Variants in HK1 observed in about 807,000 individuals in gnomAD.
The protein encoded by HK1 is hexokinase 1.
Under a neutral mutation model 91.6 loss-of-function variants are expected in HK1, and 28 were observed. That is an observed-to-expected ratio of 0.31 (90% CI 0.23 to 0.42). The LOEUF is 0.42. Ranked by LOEUF, HK1 falls within the 10% of genes least tolerant of loss-of-function variation. The pLI is 1.00. For synonymous variants in HK1, 430 were observed against 468.1 expected (o/e 0.92, Z 1.05); for missense variants, 770 against 1,219.8 (o/e 0.63, Z 5.49).
intron 1 of HK1, among the ~76,000 whole-genome samples, chr10:69,331,486 C>CA (rs1847712966): frequency 6.6e-6 from 1 of 152,222 alleles, no homozygotes; most frequent in Admixed American, 6.5e-5. Context: ...TAAAATGTAG[C>CA]AAGTCTGATT....
At chr10:69,392,407 G>A in intron 15 of HK1, 99 bp downstream of exon 15, 2 of 1,304,642 alleles carry the variant, frequency 1.5e-6, no homozygotes, top group Non-Finnish European at 2.2e-6. Context: ...AGGAGGAGAG[G>A]TCTGAACAGA....
chr10:69,313,699 G>C (rs989955073), upstream of HK1, among the ~76,000 whole-genome samples: 1 of 152,074 alleles, frequency 6.6e-6, no homozygotes, highest in Non-Finnish European at 1.5e-5. Flanking sequence ...GTTTCTCCAT[G>C]TTGGTCAGTC....
chr10:69,339,315 T>G (rs919925337), intron 1 of HK1, among the ~76,000 whole-genome samples: 1 of 152,284 alleles, frequency 6.6e-6, no homozygotes, highest in Admixed American at 6.5e-5. Flanking sequence ...CCTAGGGTAT[T>G]TGCTGGTTCA....
At chr10:69,297,283 C>T (rs1845612947) in intron 4 of HK1, among the ~76,000 whole-genome samples, 1 of 152,094 alleles carries the variant, frequency 6.6e-6, no homozygotes, top group Non-Finnish European at 1.5e-5. Flanking sequence ...GGGAGTGGAT[C>T]ACCATGAAGG....
At chr10:69,396,606 G>T (rs1300391180) in intron 16 of HK1, among the ~76,000 whole-genome samples, 1 of 148,410 alleles carries the variant, frequency 6.7e-6, no homozygotes, top group Non-Finnish European at 1.5e-5. Flanking sequence ...TTTGTCCTTT[G>T]TGACTGGCTT....
intron 3 of HK1, among the ~76,000 whole-genome samples, chr10:69,293,598 G>A (rs1237046610): frequency 6.6e-6 from 1 of 152,108 alleles, no homozygotes; most frequent in Non-Finnish European, 1.5e-5. Flanking sequence ...TTGGTAATTT[G>A]GACTGAGCTC....
chr10:69,304,588 G>A (rs111816077), intron 5 of HK1, among the ~76,000 whole-genome samples: 3,311 of 152,264 alleles, frequency 0.022, 111 homozygotes, highest in African/African-American at 0.076. Flanking sequence ...GATTACAGGC[G>A]TGAGCCACTG....
intron 4 of HK1, chr10:69,295,706 T>A (rs1337986441): frequency 7.0e-6 from 10 of 1,427,358 alleles, no homozygotes; most frequent in Non-Finnish European, 8.9e-6. Context: ...TTTTTTTTAT[T>A]TCCTTCTGTA....
chr10:69,384,585 TG>T, intron 11 of HK1, 104 bp downstream of exon 11: 1 of 1,490,420 alleles, frequency 6.7e-7, no homozygotes, highest in Non-Finnish European at 9.3e-7. Flanking sequence ...CATGGATTTG[TG>T]TCCTTGTGGC....
chr10:69,369,630 T>C lies in HK1; in HGVS notation c.875+6T>C, dbSNP rs1589552518. 6.2e-7 allele frequency: 1 copy of C among 1,612,992 alleles called. No homozygotes were observed. The highest frequency in any genetic ancestry group is 8.5e-7 in the Non-Finnish European group (1 of 1,179,484). On this transcript the variant is annotated splice_donor_region_variant and intron_variant, in intron 7 of 17. Transcript: ENST00000359426. The surrounding 1 kb of genome is among the most constrained non-coding windows in gnomAD (Gnocchi z 4.4). ...CTCAACCCTGGAAAACAGCTGTGAG[T>C]CCTTGACTTTTGCTTCTAACCACAT...
rs560110519 is a variant in HK1, at chr10:69,291,990, C to T, written c.-115+3220C>T. Among the ~76,000 whole-genome samples the T allele has an allele frequency of 3.3e-5, 5 of 152,190 alleles. No homozygotes were observed. In the South Asian group the frequency reaches 1.0e-3, roughly 31 times the overall value. On this transcript the variant is annotated intron_variant, in intron 3 of 21. Coordinates refer to the HK1 transcript ENST00000360289. The stretch of plus-strand genomic sequence containing the variant: ...TTTTGGCTTTGGGCATGTGGAAAAC[C>T]TGCCTGGATTGTTCTGGAAGCTCAG...
At chr10:69,280,935 T>G (rs1193156228) in intron 1 of HK1, among the ~76,000 whole-genome samples, 2 of 152,208 alleles carry the variant, frequency 1.3e-5, no homozygotes, top group Admixed American at 1.3e-4. Flanking sequence ...ATCTCTGAAT[T>G]GCTAAAATCT....
intron 15 of HK1, 95 bp from the exon 16 acceptor site, chr10:69,394,855 G>A: frequency 1.6e-6 from 2 of 1,242,304 alleles, no homozygotes. Context: ...TGCGCTTGAG[G>A]GGCAGTAGGA....
At chr10:69,348,493 T>C (rs1848682277) in intron 2 of HK1, among the ~76,000 whole-genome samples, 1 of 152,224 alleles carries the variant, frequency 6.6e-6, no homozygotes, top group African/African-American at 2.4e-5. Flanking sequence ...TGGGCAGGAA[T>C]GCCTGTGTAT....
At chr10:69,283,292 A>T (rs1263812235) in intron 2 of HK1, among the ~76,000 whole-genome samples, 76 of 111,348 alleles carry the variant, frequency 6.8e-4, no homozygotes, top group African/African-American at 4.2e-3. Flanking sequence ...ACCAAAATTA[A>T]AAAAAAAAAA....
At chr10:69,318,264 GA>G, upstream of HK1, 1 of 979,002 alleles carries the variant, frequency 1.0e-6, no homozygotes, top group South Asian at 4.7e-5. Flanking sequence ...CCTGGGTGAG[GA>G]AGGCGCGGGA....
chr10:69,339,345 C>T (rs931965411), intron 1 of HK1, among the ~76,000 whole-genome samples: 4 of 152,312 alleles, frequency 2.6e-5, no homozygotes, highest in African/African-American at 7.2e-5. Context: ...TCTGATCTCC[C>T]GAGGACCAGT....
At chr10:69,361,019 G>C (rs577517469) in intron 3 of HK1, among the ~76,000 whole-genome samples, 14 of 143,350 alleles carry the variant, frequency 9.8e-5, no homozygotes, top group Non-Finnish European at 1.8e-4. Flanking sequence ...GGTGGACTTC[G>C]AGATGAGACC....
chr10:69,362,005 T>C (rs994321344), intron 3 of HK1, among the ~76,000 whole-genome samples: 1 of 152,132 alleles, frequency 6.6e-6, no homozygotes, highest in Non-Finnish European at 1.5e-5. Flanking sequence ...TTCGTAGAGA[T>C]GGGGTTTCTC....
Sources: allele counts gnomAD v4.1 joint callset (sites outside exome capture counted in the v4.1 genomes callset), GRCh38; gene constraint gnomAD v4.1.1; non-coding constraint Gnocchi (gnomAD v3.1); transcripts MANE v1.5; gene names NCBI Gene and HGNC (gene_info 2026-07-23, HGNC 2026-07-21).